The following RAPGEF4 variants were observed in gnomAD, a reference collection of about 807,000 sequenced individuals.
RAPGEF4 encodes the protein Rap guanine nucleotide exchange factor 4, also known as RAP guanine-nucleotide-exchange factor (GEF) 4.
RAPGEF4 carries 66 observed loss-of-function variants against 147.9 expected under a neutral mutation model. The observed-to-expected ratio is 0.45, with a 90% CI of 0.37 to 0.55. The LOEUF (loss-of-function observed/expected upper bound fraction) is 0.55, where lower values mean the gene tolerates loss of function less well. Among genes scored for constraint, RAPGEF4 ranks in the 20% least tolerant of loss-of-function variants. The pLI is 0.00. For missense variants in RAPGEF4, 1,071 were observed against 1,257.3 expected (o/e 0.85, Z 2.24); for synonymous variants, 419 against 442.7 (o/e 0.95, Z 0.67).
intron 17 of RAPGEF4, among the ~76,000 whole-genome samples, chr2:173,002,614 ATTCT>A (rs1694041141): frequency 7.8e-6 from 1 of 128,844 alleles, no homozygotes; most frequent in Admixed American, 8.1e-5. Context: ...TGACTCTTTT[ATTCT>A]TTCTTTTTTT....
chr2:172,793,872 A>C (rs981753315), intron 1 of RAPGEF4, among the ~76,000 whole-genome samples: 3 of 152,152 alleles, frequency 2.0e-5, no homozygotes, highest in Non-Finnish European at 4.4e-5. Flanking sequence ...ATGGTGGCTC[A>C]TGCCTGTAAT....
At chr2:172,961,009 T>C in intron 7 of RAPGEF4, 113 bp from the exon 8 acceptor site, 1 of 936,002 alleles carries the variant, frequency 1.1e-6, no homozygotes, top group Non-Finnish European at 1.7e-6. Flanking sequence ...CTGAGTGAGT[T>C]ATGTTTTCCA....
chr2:172,884,009 A>G (rs1449044307), intron 4 of RAPGEF4, among the ~76,000 whole-genome samples: 2 of 152,208 alleles, frequency 1.3e-5, no homozygotes, highest in Non-Finnish European at 2.9e-5. Flanking sequence ...CAGCTATGGT[A>G]TCACACCAAT....
chr2:172,743,902 C>A (rs1159330090), intron 1 of RAPGEF4, among the ~76,000 whole-genome samples: 1 of 152,176 alleles, frequency 6.6e-6, no homozygotes, highest in Non-Finnish European at 1.5e-5. Flanking sequence ...AGTTACCCAC[C>A]TTCAGATTTT....
chr2:173,032,694 C>T (rs1697305508), intron 26 of RAPGEF4, among the ~76,000 whole-genome samples: 1 of 151,986 alleles, frequency 6.6e-6, no homozygotes. Context: ...CTTGAAATGC[C>T]AGAAAAATGA....
intron 4 of RAPGEF4, among the ~76,000 whole-genome samples, chr2:172,901,135 T>C (rs1479511194): frequency 1.3e-5 from 2 of 152,262 alleles, no homozygotes; most frequent in Non-Finnish European, 2.9e-5. Context: ...TTTACAGTGC[T>C]ATCTCATTTT....
chr2:172,830,602 G>A (rs924552795), intron 4 of RAPGEF4, among the ~76,000 whole-genome samples: 1 of 152,064 alleles, frequency 6.6e-6, no homozygotes, highest in Non-Finnish European at 1.5e-5. Flanking sequence ...AATCCTGTTT[G>A]TTTGTTTATT....
intron 3 of RAPGEF4, among the ~76,000 whole-genome samples, chr2:172,812,967 T>C (rs1284294909): frequency 6.6e-6 from 1 of 152,244 alleles, no homozygotes; most frequent in Non-Finnish European, 1.5e-5. Flanking sequence ...TTGAGTGAAT[T>C]TGTTTGCAGT....
intron 4 of RAPGEF4, among the ~76,000 whole-genome samples, chr2:172,841,631 C>T (rs1343507431): frequency 6.6e-6 from 1 of 152,120 alleles, no homozygotes; most frequent in Non-Finnish European, 1.5e-5. Flanking sequence ...AACACTCTGC[C>T]TATTTCTAAA....
At chr2:172,898,326 G>A (rs150230151) in intron 4 of RAPGEF4, among the ~76,000 whole-genome samples, 15 of 152,278 alleles carry the variant, frequency 9.9e-5, no homozygotes, top group Non-Finnish European at 1.8e-4. Flanking sequence ...TGTTCCCTGT[G>A]AAAGAATCCC....
At chr2:172,967,921 C>T (rs773289201) in intron 10 of RAPGEF4, among the ~76,000 whole-genome samples, 17 of 152,200 alleles carry the variant, frequency 1.1e-4, no homozygotes, top group Non-Finnish European at 1.0e-4. Flanking sequence ...GCTCATTCTT[C>T]TGAGCACACC....
At chr2:172,795,193 A>G in intron 2 of RAPGEF4, 26 bp downstream of exon 2, 1 of 1,569,328 alleles carries the variant, frequency 6.4e-7, no homozygotes, top group Non-Finnish European at 8.8e-7. Flanking sequence ...CTTGTAGTAT[A>G]TTTCCATGTA....
chr2:172,852,529 C>T (rs1005210527), intron 4 of RAPGEF4, among the ~76,000 whole-genome samples: 3 of 152,096 alleles, frequency 2.0e-5, no homozygotes, highest in Admixed American at 2.0e-4. Flanking sequence ...TAGTGTTACC[C>T]TGTTTCAACT....
At chr2:173,007,118 C>T (rs970920206) in intron 17 of RAPGEF4, among the ~76,000 whole-genome samples, 1 of 152,128 alleles carries the variant, frequency 6.6e-6, no homozygotes, top group Non-Finnish European at 1.5e-5. Context: ...GCTTGAGCAG[C>T]TAGGTAATTG....
intron 1 of RAPGEF4, among the ~76,000 whole-genome samples, chr2:172,759,015 G>C (rs1474439581): frequency 6.6e-6 from 1 of 152,184 alleles, no homozygotes; most frequent in Non-Finnish European, 1.5e-5. Flanking sequence ...GAAGCAGGAA[G>C]AAGATAAAGG....
chr2:172,764,128 C>T (rs1367878066), intron 1 of RAPGEF4, among the ~76,000 whole-genome samples: 1 of 152,004 alleles, frequency 6.6e-6, no homozygotes, highest in Non-Finnish European at 1.5e-5. Context: ...GTGGTGCATG[C>T]CTGTGGTCCC....
At chr2:172,930,352 G>C (rs1685789773) in intron 6 of RAPGEF4, among the ~76,000 whole-genome samples, 1 of 152,126 alleles carries the variant, frequency 6.6e-6, no homozygotes, top group Admixed American at 6.5e-5. Context: ...TTTGAGTCTG[G>C]AGGGGGAATT....
chr2:172,755,880 A>G (rs1289005858), intron 1 of RAPGEF4, among the ~76,000 whole-genome samples: 3 of 152,154 alleles, frequency 2.0e-5, no homozygotes, highest in African/African-American at 7.2e-5. Flanking sequence ...TACCAATTCT[A>G]TGTGCATTCA....
At chr2:172,742,474 C>T (rs1434071623) in intron 1 of RAPGEF4, among the ~76,000 whole-genome samples, 1 of 151,904 alleles carries the variant, frequency 6.6e-6, no homozygotes, top group Admixed American at 6.6e-5. Flanking sequence ...GTATTTGGGT[C>T]TAGAGTTTGA....
Sources: allele counts gnomAD v4.1 joint callset (sites outside exome capture counted in the v4.1 genomes callset), GRCh38; gene constraint gnomAD v4.1.1; transcripts MANE v1.5; gene names NCBI Gene and HGNC (gene_info 2026-07-23, HGNC 2026-07-21).